Variants in GALNT13 observed in about 807,000 individuals in gnomAD.
GALNT13 encodes the protein UDP-GalNAc:polypeptide N-acetylgalactosaminyltransferase 13.
GALNT13 carries 28 observed loss-of-function variants against 64.2 expected under a neutral mutation model. The observed-to-expected ratio is 0.44, with a 90% CI of 0.32 to 0.60. GALNT13 has a LOEUF of 0.60. Among genes scored for constraint, GALNT13 ranks in the 20% least tolerant of loss-of-function variants. The pLI is 0.05. For synonymous variants in GALNT13, 214 were observed against 224.6 expected (o/e 0.95, Z 0.42); for missense variants, 577 against 669.8 (o/e 0.86, Z 1.53).
At chr2:154,114,923 C>A (rs777712564) in intron 3 of GALNT13, among the ~76,000 whole-genome samples, 9 of 152,190 alleles carry the variant, frequency 5.9e-5, no homozygotes, top group Admixed American at 3.3e-4. Flanking sequence ...TTGGCTTCTG[C>A]TGCCTGGGAT....
chr2:154,450,822 ATGTT>A lies in GALNT13; in HGVS notation c.*273_*276del, dbSNP rs1701845575. Reference sequence around the variant, plus strand: ...ACAAATTGTGTTTGCTTTAAGAAAAATGTTTATTGCACTCATGTCATAGGGTTAA... The same window carrying A: ...ACAAATTGTGTTTGCTTTAAGAAAAATATTGCACTCATGTCATAGGGTTAA... On this transcript the variant is annotated 3_prime_UTR_variant, in exon 13 of 13. Coordinates refer to ENST00000392825, the MANE Select transcript of GALNT13 (RefSeq NM_052917.4). 1 of 329,304 alleles carries A rather than the reference ATGTT, an allele frequency of 3.0e-6. No individual in the cohort carries two copies. The highest frequency in any genetic ancestry group is 5.5e-6 in the Non-Finnish European group (1 of 180,760). 20.4% of individuals were successfully genotyped at this position (329,304 alleles called of 1,614,324 possible).
the GALNT13 span, among the ~76,000 whole-genome samples, chr2:153,359,396 G>A: frequency 6.6e-6 from 1 of 152,010 alleles, no homozygotes; most frequent in Non-Finnish European, 1.5e-5. Flanking sequence ...ATGGAAACTA[G>A]TAATAATAAG....
chr2:153,565,955 T>G, the GALNT13 span, among the ~76,000 whole-genome samples: 1 of 152,186 alleles, frequency 6.6e-6, no homozygotes, highest in Non-Finnish European at 1.5e-5. Context: ...AAATGTGTAG[T>G]GAAATAAATA....
At chr2:154,400,028 A>G (rs908767194) in intron 10 of GALNT13, among the ~76,000 whole-genome samples, 1 of 152,146 alleles carries the variant, frequency 6.6e-6, no homozygotes, top group African/African-American at 2.4e-5. Context: ...ATCTGTTTCC[A>G]TGGAAACAGA....
chr2:154,385,676 G>T (rs538998492), intron 9 of GALNT13, among the ~76,000 whole-genome samples: 1 of 152,090 alleles, frequency 6.6e-6, no homozygotes, highest in South Asian at 2.1e-4. Flanking sequence ...TCGGGAACAT[G>T]AAGTCCCTTA....
the GALNT13 span, among the ~76,000 whole-genome samples, chr2:153,457,730 C>T: frequency 6.6e-6 from 1 of 152,198 alleles, no homozygotes; most frequent in East Asian, 1.9e-4. Flanking sequence ...TTTCAATTCT[C>T]CTGTTTTTTT....
the GALNT13 span, among the ~76,000 whole-genome samples, chr2:153,668,400 T>C: frequency 3.3e-4 from 50 of 152,266 alleles, no homozygotes; most frequent in Non-Finnish European, 5.9e-4. Context: ...TCATATGAAC[T>C]GAAATCTCAG....
intron 4 of GALNT13, among the ~76,000 whole-genome samples, chr2:154,153,591 G>A (rs939951743): frequency 2.6e-4 from 39 of 152,202 alleles, no homozygotes; most frequent in Non-Finnish European, 4.3e-4. Flanking sequence ...CACCCATTTC[G>A]AGCTTCCTGG....
At chr2:153,374,756 C>G in the GALNT13 span, among the ~76,000 whole-genome samples, 1 of 152,158 alleles carries the variant, frequency 6.6e-6, no homozygotes, top group African/African-American at 2.4e-5. Context: ...TCTCCTCCCT[C>G]CATCCCTGGA....
the GALNT13 span, among the ~76,000 whole-genome samples, chr2:153,252,915 C>G: frequency 6.6e-6 from 1 of 152,006 alleles, no homozygotes; most frequent in Non-Finnish European, 1.5e-5. Context: ...ATGCCTCCAG[C>G]TTTGTTCTTT....
At position 154,451,439 on chromosome 2, in the gene GALNT13, G is replaced by T. The variant is rs775097929; in HGVS notation, c.*888G>T. 2 of 152,092 alleles carry T rather than the reference G, an allele frequency of 1.3e-5. No homozygotes were observed. The highest frequency in any genetic ancestry group is 4.8e-5 in the African/African-American group (2 of 41,438). 9.4% of individuals were successfully genotyped at this position (152,092 alleles called of 1,614,324 possible). ...CCATTGATGCTGTACAGAATTGCAGGTGAAAGGGAGAATTTTAGACTTAAT... is the reference window on the plus strand; with the variant it reads ...CCATTGATGCTGTACAGAATTGCAGTTGAAAGGGAGAATTTTAGACTTAAT... On this transcript the variant is annotated 3_prime_UTR_variant, in exon 13 of 13. Transcript: ENST00000392825.
chr2:153,866,967 A>T (rs771459042), upstream of GALNT13, among the ~76,000 whole-genome samples: 27 of 152,208 alleles, frequency 1.8e-4, no homozygotes, highest in Non-Finnish European at 3.5e-4. Flanking sequence ...TAATTGATTC[A>T]AATTTTTTTG....
the GALNT13 span, among the ~76,000 whole-genome samples, chr2:153,569,702 A>G: frequency 6.6e-6 from 1 of 151,960 alleles, no homozygotes; most frequent in African/African-American, 2.4e-5. Flanking sequence ...ATGTAATATC[A>G]TTCCTTTAGT....
the GALNT13 span, among the ~76,000 whole-genome samples, chr2:153,682,269 T>C: frequency 6.6e-6 from 1 of 151,870 alleles, no homozygotes; most frequent in South Asian, 2.1e-4. Context: ...TCCAATTTCT[T>C]TTCTTTAAAT....
chr2:154,298,938 T>C (rs907801798), intron 8 of GALNT13, among the ~76,000 whole-genome samples: 20 of 132,714 alleles, frequency 1.5e-4, no homozygotes, highest in African/African-American at 5.4e-4. Context: ...GCTTTCACTG[T>C]TGTTTCCTAA....
At chr2:153,402,860 G>A in the GALNT13 span, among the ~76,000 whole-genome samples, 68 of 152,248 alleles carry the variant, frequency 4.5e-4, 2 homozygotes, top group South Asian at 0.013. Flanking sequence ...CAACTTCTTT[G>A]CCTTTGGTTT....
At chr2:153,959,052 G>C (rs1163561436) in intron 3 of GALNT13, among the ~76,000 whole-genome samples, 1 of 152,230 alleles carries the variant, frequency 6.6e-6, no homozygotes, top group Non-Finnish European at 1.5e-5. Context: ...ACTTGCAGCT[G>C]GCTGTTGGGA....
chr2:154,449,145 G>A (rs1388747925), intron 12 of GALNT13, among the ~76,000 whole-genome samples: 2 of 151,864 alleles, frequency 1.3e-5, no homozygotes, highest in African/African-American at 4.8e-5. Flanking sequence ...AGTGTAAATA[G>A]CTTGATTCCA....
At chr2:153,844,471 T>C in the GALNT13 span, among the ~76,000 whole-genome samples, 1 of 152,200 alleles carries the variant, frequency 6.6e-6, no homozygotes, top group Non-Finnish European at 1.5e-5. Flanking sequence ...AAAATCATTC[T>C]TCCCTACCTA....
Sources: gnomAD v4.1 joint callset for allele counts (sites outside exome capture counted in the v4.1 genomes callset) on GRCh38, gnomAD v4.1.1 for gene constraint, MANE v1.5 for transcripts, NCBI Gene and HGNC (gene_info 2026-07-23, HGNC 2026-07-21) for gene names.